Variants in IL24 observed in about 807,000 individuals in gnomAD.
IL24 encodes the protein interleukin-24.
IL24 carries 24 observed loss-of-function variants against 27.6 expected under a neutral mutation model. That is an observed-to-expected ratio of 0.87 (90% CI 0.63 to 1.22). The LOEUF (loss-of-function observed/expected upper bound fraction) is 1.22, where lower values mean the gene tolerates loss of function less well. IL24 is among the 50% of genes most tolerant of loss of function. IL24 has a pLI of 0.00. For missense variants in IL24, 240 were observed against 237.0 expected, an observed-to-expected ratio of 1.01 and a Z score of -0.08; for synonymous variants, 99 against 93.1, an observed-to-expected ratio of 1.06 and a Z score of -0.36.
intron 3 of IL24, 31 bp from the exon 4 acceptor site, chr1:206,900,264 C>G: frequency 6.2e-7 from 1 of 1,609,774 alleles, no homozygotes; most frequent in South Asian, 1.1e-5. Flanking sequence ...GACCCCTAAC[C>G]TGGAGACGTC....
chr1:206,897,884 G>A lies in IL24; in HGVS notation c.44+8G>A. On this transcript the variant is annotated splice_region_variant and intron_variant, in intron 2 of 6. Coordinates refer to ENST00000294984, the MANE Select transcript of IL24 (RefSeq NM_006850.3). ...CCTGTGGACTTTAGCCAGGTGCGGT[G>A]GCTCACACCTGTAATCCCAGAACTT... 6.3e-7 allele frequency: 1 copy of A among 1,585,942 alleles called. No homozygotes were observed. Among genetic ancestry groups the A allele is most frequent in the Admixed American group, 1.8e-5 (1 of 57,138 alleles).
In IL24 at chr1:206,903,292, C is replaced by A; in HGVS notation, c.*233C>A. The stretch of plus-strand genomic sequence containing the variant: ...ACAGAGAAGATTCTTGTATTTATTA[C>A]AACTCTATTTAATTAATGTCAGTAT... On this transcript the variant is annotated 3_prime_UTR_variant, in exon 7 of 7. Coordinates refer to ENST00000294984, the MANE Select transcript of IL24 (RefSeq NM_006850.3). 1 of 466,562 alleles carries A rather than the reference C, an allele frequency of 2.1e-6. No homozygotes were observed. The allele number at this position is 466,562 out of a possible 1,614,324, so 28.9% of individuals were successfully genotyped here.
chr1:206,902,884 T>A, intron 6 of IL24, 92 bp from the exon 7 acceptor site: 1 of 1,601,468 alleles, frequency 6.2e-7, no homozygotes, highest in South Asian at 1.1e-5. Flanking sequence ...ATCCCTTGGA[T>A]TGGAGTCAGG....
At chr1:206,901,414 TGG>T in intron 4 of IL24, 78 bp from the exon 5 acceptor site, 1 of 1,475,806 alleles carries the variant, frequency 6.8e-7, no homozygotes, top group African/African-American at 1.4e-5. Flanking sequence ...TATCTTGCCT[TGG>T]GTGGCATGTG....
intron 3 of IL24, 98 bp downstream of exon 3, chr1:206,899,613 A>C: frequency 9.7e-7 from 1 of 1,029,686 alleles, no homozygotes. Flanking sequence ...GGAGTCCTTC[A>C]CAGCTTGCTA....
chr1:206,903,008 T>C lies in IL24; in HGVS notation c.570T>C (p.Leu190=). ...TAGAAGCAGCTCTGACCAAAGCCCT[T>C]GGGGAAGTGGACATTCTTCTGACCT... ...LDVEAALTKA[L]GEVDILLTWM... is the part of the protein sequence containing the mutation. The change falls in exon 7 of 7, where the codon CTT becomes CTC. Residue 190 remains leucine, a synonymous_variant. Transcript: ENST00000294984. The C allele has an allele frequency of 6.2e-7, 1 of 1,614,208 alleles. No homozygotes were observed. The highest frequency in any genetic ancestry group is 8.5e-7 in the Non-Finnish European group (1 of 1,180,022).
chr1:206,898,331 C>G (rs1678239675), intron 2 of IL24, among the ~76,000 whole-genome samples: 1 of 152,016 alleles, frequency 6.6e-6, no homozygotes, highest in Admixed American at 6.5e-5. Flanking sequence ...GGTCTTCCTC[C>G]CGGTGTAGGG....
In IL24 at chr1:206,903,353, G is replaced by A. The variant is rs1417441140; in HGVS notation, c.*294G>A. The A allele has an allele frequency of 6.3e-6, 2 of 318,412 alleles. No individual in the cohort carries two copies. The highest frequency in any genetic ancestry group is 4.3e-5 in the African/African-American group (2 of 47,034). 19.7% of individuals were successfully genotyped at this position (318,412 alleles called of 1,614,324 possible). A position where few individuals can be genotyped will look rare whatever the true frequency, so the allele number is the denominator to read the frequency against. On this transcript the variant is annotated 3_prime_UTR_variant, in exon 7 of 7. Transcript: ENST00000294984. The stretch of plus-strand genomic sequence containing the variant: ...GTTCTATTTATTTGTGAGACTGTAA[G>A]TTACATGAAGGCAGCAGAATATTGT...
chr1:206,902,687 C>A, intron 6 of IL24: 2 of 985,310 alleles, frequency 2.0e-6, no homozygotes, highest in African/African-American at 1.7e-5. Context: ...GGTGGTGGGC[C>A]ATATCCATCC....
intron 4 of IL24, among the ~76,000 whole-genome samples, chr1:206,900,929 A>G (rs1678352863): frequency 6.6e-6 from 1 of 152,158 alleles, no homozygotes. Flanking sequence ...CAGGTAGAGT[A>G]TGTTATCAAG....
At position 206,900,322 on chromosome 1, in the gene IL24, C is replaced by T. The variant is rs906626268; in HGVS notation, c.268C>T (p.Arg90Trp). 9.3e-6 allele frequency: 15 copies of T among 1,613,778 alleles called. No homozygotes were observed. The highest frequency in any genetic ancestry group is 8.9e-5 in the East Asian group (4 of 44,844). Residue 90 changes from arginine (R) to tryptophan (W), a missense_variant, in exon 4 of 7, where the codon CGG becomes TGG. Coordinates refer to ENST00000294984, the MANE Select transcript of IL24 (RefSeq NM_006850.3). ...MQAQDNITSA[R>W]LLQQEVLQNV... ...AGCTCAGGATAACATCACGAGTGCCCGGCTGCTGCAGCAGGAGGTTCTGCA... is the reference window on the plus strand; with the variant it reads ...AGCTCAGGATAACATCACGAGTGCCTGGCTGCTGCAGCAGGAGGTTCTGCA...
intron 2 of IL24, among the ~76,000 whole-genome samples, chr1:206,898,792 C>G (rs1297893120): frequency 6.6e-6 from 1 of 152,150 alleles, no homozygotes; most frequent in African/African-American, 2.4e-5. Context: ...TCCCTGGGAC[C>G]AGGATTAACC....
rs777200080 is a variant in IL24 at position 206,899,424 on chromosome 1, A to G, written c.149A>G (p.Gln50Arg). The G allele has an allele frequency of 1.2e-6, 2 of 1,614,162 alleles. No homozygotes were observed. Among genetic ancestry groups the G allele is most frequent in the Non-Finnish European group, 1.7e-6 (2 of 1,180,006 alleles). Residue 50 changes from glutamine to arginine, a missense_variant, in exon 3 of 7, where the codon CAG becomes CGG. Transcript: ENST00000294984. ...LLLWSQVSGA[Q>R]GQEFHFGPCQ... ...CTCTGGAGCCAGGTATCAGGGGCCC[A>G]GGGCCAAGAATTCCACTTTGGGCCC...
intron 2 of IL24, 37 bp downstream of exon 2, chr1:206,897,913 G>GATTAC: frequency 2.1e-6 from 3 of 1,435,350 alleles, no homozygotes; most frequent in Non-Finnish European, 2.9e-6. Flanking sequence ...AGAACTTTGG[G>GATTAC]AGGCTGAGGT....
At position 206,900,361 on chromosome 1, in the gene IL24, A is replaced by G. The variant is rs895371534; in HGVS notation, c.303+4A>G. On this transcript the variant is annotated splice_donor_region_variant and intron_variant, in intron 4 of 6. Transcript: ENST00000294984. ...GGAGGTTCTGCAGAACGTCTCGGTA[A>G]TCAGACCTCGGGGACACCACCCTCT... The G allele has an allele frequency of 6.8e-6, 11 of 1,613,924 alleles. No homozygotes were observed. The highest frequency in any genetic ancestry group is 9.3e-6 in the Non-Finnish European group (11 of 1,179,814).
chr1:206,902,251 T>C (rs1468335501), intron 6 of IL24, 179 bp downstream of exon 6: 3 of 985,228 alleles, frequency 3.0e-6, no homozygotes, highest in Admixed American at 6.2e-5. Flanking sequence ...GTAAACTAAG[T>C]GGTCTTTTTT....
chr1:206,899,783 G>C (rs1264207174), intron 3 of IL24, among the ~76,000 whole-genome samples: 1 of 152,166 alleles, frequency 6.6e-6, no homozygotes, highest in Non-Finnish European at 1.5e-5. Flanking sequence ...ATTCATCCAG[G>C]CTTCGTCCCG....
At chr1:206,900,453 C>A in intron 4 of IL24, 96 bp downstream of exon 4, 1 of 1,112,236 alleles carries the variant, frequency 9.0e-7, no homozygotes, top group Non-Finnish European at 1.4e-6. Context: ...AAGCCCTTCA[C>A]TTCTTCCCTG....
At chr1:206,902,776 C>A (rs1429319439) in intron 6 of IL24, 200 bp from the exon 7 acceptor site, 5 of 985,214 alleles carry the variant, frequency 5.1e-6, no homozygotes, top group Non-Finnish European at 6.0e-6. Context: ...TATTCACTAG[C>A]CTGTTTGTCC....
Sources: allele counts gnomAD v4.1 joint callset (sites outside exome capture counted in the v4.1 genomes callset), GRCh38; gene constraint gnomAD v4.1.1; transcripts MANE v1.5; gene names NCBI Gene and HGNC (gene_info 2026-07-23, HGNC 2026-07-21).